The following PTGR3 variants were observed in gnomAD, a reference collection of about 807,000 sequenced individuals.
The protein encoded by PTGR3 is zinc binding alcohol dehydrogenase domain containing 2.
the PTGR3 span, among the ~76,000 whole-genome samples, chr18:75,203,844 G>T: frequency 6.6e-6 from 1 of 152,136 alleles, no homozygotes; most frequent in Non-Finnish European, 1.5e-5. Context: ...GTTTTAAAAA[G>T]GGCCCACTTC....
chr18:75,201,215 A>G, the PTGR3 span: 1 of 562,714 alleles, frequency 1.8e-6, no homozygotes, highest in Non-Finnish European at 3.1e-6. Context: ...CCATGGAGGG[A>G]AGTTTTATTA....
chr18:75,201,138 G>T, the PTGR3 span: 1 of 402,990 alleles, frequency 2.5e-6, no homozygotes, highest in Non-Finnish European at 4.4e-6. Context: ...TAGTTCCCTG[G>T]AACAATAACA....
the PTGR3 span, chr18:75,201,164 T>A: frequency 2.1e-6 from 1 of 485,188 alleles, no homozygotes; most frequent in Non-Finnish European, 3.6e-6. Context: ...AACGAGACCA[T>A]CCATGACTAA....
the PTGR3 span, among the ~76,000 whole-genome samples, chr18:75,207,012 C>T: frequency 6.6e-6 from 1 of 152,098 alleles, no homozygotes; most frequent in African/African-American, 2.4e-5. Context: ...GGTCCCAGGG[C>T]AGCAGTAAGC....
At chr18:75,208,806 C>A in the PTGR3 span, 18 of 1,372,512 alleles carry the variant, frequency 1.3e-5, no homozygotes, top group South Asian at 2.7e-4. Context: ...GGCGCGAGCC[C>A]GGGGCGAGAA....
chr18:75,197,079 T>C, the PTGR3 span: 1 of 152,184 alleles, frequency 6.6e-6, no homozygotes, highest in Non-Finnish European at 1.5e-5. Context: ...AGTTTGTTCA[T>C]GGTAACAGCA....
At chr18:75,205,607 G>C in the PTGR3 span, 7 of 544,466 alleles carry the variant, frequency 1.3e-5, no homozygotes, top group Admixed American at 1.3e-4. Flanking sequence ...CTGCGCAGGG[G>C]AGAGGAACGC....
chr18:75,202,839 C>T, the PTGR3 span, among the ~76,000 whole-genome samples: 1 of 152,112 alleles, frequency 6.6e-6, no homozygotes, highest in Non-Finnish European at 1.5e-5. Context: ...ATTCTGGCAA[C>T]AATTTAACAC....
the PTGR3 span, chr18:75,205,205 G>A: frequency 2.9e-5 from 29 of 985,522 alleles, no homozygotes; most frequent in South Asian, 6.6e-4. Context: ...CTGCGTGAGG[G>A]TCCGCAGCTC....
chr18:75,200,260 G>C, the PTGR3 span: 1 of 152,272 alleles, frequency 6.6e-6, no homozygotes, highest in East Asian at 1.9e-4. Flanking sequence ...TCAGAAGAGA[G>C]GGTGCAGGTT....
chr18:75,204,382 G>A, the PTGR3 span, among the ~76,000 whole-genome samples: 6 of 152,362 alleles, frequency 3.9e-5, no homozygotes, highest in African/African-American at 9.6e-5. Context: ...CAGAGGCCAA[G>A]TTTGGGAGGG....
chr18:75,202,005 G>C, the PTGR3 span: 1 of 1,614,184 alleles, frequency 6.2e-7, no homozygotes. Flanking sequence ...CGTTCCCCCA[G>C]CTGCTGCTGT....
At chr18:75,195,507 G>A in the PTGR3 span, 3 of 152,174 alleles carry the variant, frequency 2.0e-5, no homozygotes, top group Non-Finnish European at 2.9e-5. Context: ...TGAGTCCAAC[G>A]GGCTCTGTAA....
chr18:75,208,855 C>A, the PTGR3 span: 1 of 1,507,784 alleles, frequency 6.6e-7, no homozygotes, highest in Non-Finnish European at 8.9e-7. Flanking sequence ...CTCACCGGTT[C>A]CGGACGAGGA....
At chr18:75,201,658 C>G in the PTGR3 span, 2 of 1,614,198 alleles carry the variant, frequency 1.2e-6, no homozygotes, top group Non-Finnish European at 1.7e-6. Context: ...TGTACGCTGG[C>G]AGATTTCTTG....
At chr18:75,202,213 C>T in the PTGR3 span, 1 of 1,614,154 alleles carries the variant, frequency 6.2e-7, no homozygotes, top group Non-Finnish European at 8.5e-7. Flanking sequence ...GTGTATCTGG[C>T]ACTAGCAGAG....
At chr18:75,208,842 G>A in the PTGR3 span, 3 of 1,490,286 alleles carry the variant, frequency 2.0e-6, no homozygotes, top group Non-Finnish European at 2.7e-6. Flanking sequence ...GGGGGGCGCC[G>A]GGCTCACCGG....
the PTGR3 span, among the ~76,000 whole-genome samples, chr18:75,206,294 C>T: frequency 6.6e-6 from 1 of 152,044 alleles, no homozygotes; most frequent in Non-Finnish European, 1.5e-5. Flanking sequence ...GTATTTTGTG[C>T]TAAGATGCAA....
At chr18:75,208,562 G>C in the PTGR3 span, 1 of 1,084,784 alleles carries the variant, frequency 9.2e-7, no homozygotes, top group African/African-American at 1.7e-5. Flanking sequence ...AGCGGGAGGG[G>C]GAGGAGGGAG....
Sources: gnomAD v4.1 joint callset for allele counts (sites outside exome capture counted in the v4.1 genomes callset) on GRCh38, gnomAD v4.1.1 for gene constraint, MANE v1.5 for transcripts, NCBI Gene and HGNC (gene_info 2026-07-23, HGNC 2026-07-21) for gene names.